The following SLC4A10 variants were observed in gnomAD, a reference collection of about 807,000 sequenced individuals.
SLC4A10 encodes sodium-driven chloride bicarbonate exchanger.
A neutral mutation model predicts 137.7 loss-of-function variants in SLC4A10; 42 were observed. The ratio of observed to expected loss-of-function variants is 0.30; its 90% CI spans 0.24 to 0.39. The LOEUF is 0.39. Among genes scored for constraint, SLC4A10 ranks in the 10% least tolerant of loss-of-function variants. The pLI is 1.00. For synonymous variants in SLC4A10, 474 were observed against 464.1 expected (o/e 1.02, Z -0.27); for missense variants, 925 against 1,355.0 (o/e 0.68, Z 4.98).
intron 1 of SLC4A10, among the ~76,000 whole-genome samples, chr2:161,732,429 A>G (rs1257698487): frequency 6.6e-6 from 1 of 152,174 alleles, no homozygotes; most frequent in Non-Finnish European, 1.5e-5. Flanking sequence ...TATATATTTT[A>G]CCATGTCACA....
At chr2:161,868,757 A>T (rs930283559) in intron 6 of SLC4A10, among the ~76,000 whole-genome samples, 1 of 151,666 alleles carries the variant, frequency 6.6e-6, no homozygotes, top group Non-Finnish European at 1.5e-5. Context: ...AAATGTTTCC[A>T]TTTACGTTTA....
At chr2:161,748,220 C>T (rs1370551158) in intron 1 of SLC4A10, among the ~76,000 whole-genome samples, 1 of 151,996 alleles carries the variant, frequency 6.6e-6, no homozygotes, top group African/African-American at 2.4e-5. Flanking sequence ...CATCCTGTGG[C>T]CTGCCTTTTT....
intron 1 of SLC4A10, among the ~76,000 whole-genome samples, chr2:161,766,762 C>G (rs1204306339): frequency 6.6e-6 from 1 of 150,710 alleles, no homozygotes; most frequent in African/African-American, 2.4e-5. Context: ...TTTTATTGCT[C>G]TAACCAAGTC....
At chr2:161,704,281 TA>T (rs1177900167) in intron 1 of SLC4A10, among the ~76,000 whole-genome samples, 1 of 151,686 alleles carries the variant, frequency 6.6e-6, no homozygotes, top group East Asian at 1.9e-4. Flanking sequence ...CCAGTATAAA[TA>T]AAGTGTGAAA....
intron 2 of SLC4A10, among the ~76,000 whole-genome samples, chr2:161,790,618 A>G (rs951983354): frequency 2.0e-5 from 3 of 152,204 alleles, no homozygotes; most frequent in Non-Finnish European, 1.5e-5. Flanking sequence ...AGGTGGACTA[A>G]TACTGAACAT....
At chr2:161,784,946 T>C (rs1044311038) in intron 2 of SLC4A10, among the ~76,000 whole-genome samples, 2 of 150,128 alleles carry the variant, frequency 1.3e-5, no homozygotes, top group African/African-American at 4.9e-5. Flanking sequence ...TAGGAAAAAA[T>C]CAATGAAATT....
intron 1 of SLC4A10, among the ~76,000 whole-genome samples, chr2:161,684,990 C>T (rs893271183): frequency 3.3e-5 from 5 of 152,068 alleles, no homozygotes; most frequent in Admixed American, 6.6e-5. Flanking sequence ...GGAAGATAAG[C>T]AACAGGTTTG....
chr2:161,935,499 A>G (rs943961553), intron 15 of SLC4A10, among the ~76,000 whole-genome samples: 29 of 152,144 alleles, frequency 1.9e-4, no homozygotes, highest in African/African-American at 6.3e-4. Context: ...CAGTTCTTCC[A>G]ATCCATAAAC....
At chr2:161,731,857 A>T (rs1214103284) in intron 1 of SLC4A10, among the ~76,000 whole-genome samples, 1 of 152,202 alleles carries the variant, frequency 6.6e-6, no homozygotes, top group Non-Finnish European at 1.5e-5. Context: ...GTTTAAAATC[A>T]GAATTAGACA....
chr2:161,920,500 T>A (rs1184549846), intron 15 of SLC4A10, among the ~76,000 whole-genome samples: 2 of 152,190 alleles, frequency 1.3e-5, no homozygotes, highest in Non-Finnish European at 2.9e-5. Flanking sequence ...AAATAAAGGG[T>A]TGCAAAAGAG....
At chr2:161,747,471 G>A (rs2048506711) in intron 1 of SLC4A10, among the ~76,000 whole-genome samples, 1 of 152,132 alleles carries the variant, frequency 6.6e-6, no homozygotes, top group African/African-American at 2.4e-5. Context: ...TTCCTGTGCT[G>A]TTCATTGCCT....
At chr2:161,773,186 C>T (rs903597634) in intron 2 of SLC4A10, among the ~76,000 whole-genome samples, 1 of 151,862 alleles carries the variant, frequency 6.6e-6, no homozygotes. Flanking sequence ...TGTATCATTC[C>T]CATGGTGGAG....
At chr2:161,942,683 C>G (rs1420313326) in intron 15 of SLC4A10, 109 bp from the exon 16 acceptor site, 4 of 800,674 alleles carry the variant, frequency 5.0e-6, no homozygotes, top group Admixed American at 4.3e-5. Flanking sequence ...ACTTGTCTGT[C>G]AAATAGAGGA....
intron 1 of SLC4A10, among the ~76,000 whole-genome samples, chr2:161,685,388 T>C (rs928795171): frequency 1.3e-5 from 2 of 152,066 alleles, no homozygotes; most frequent in Admixed American, 6.6e-5. Context: ...GGTGGATTAT[T>C]AGAGGCCAGA....
At chr2:161,670,043 A>C (rs1413027651) in intron 1 of SLC4A10, among the ~76,000 whole-genome samples, 1 of 152,104 alleles carries the variant, frequency 6.6e-6, no homozygotes, top group Non-Finnish European at 1.5e-5. Flanking sequence ...TGTATCAATA[A>C]ATTTGTGTAA....
At chr2:161,844,193 G>T (rs908953637) in intron 4 of SLC4A10, among the ~76,000 whole-genome samples, 1 of 152,002 alleles carries the variant, frequency 6.6e-6, no homozygotes, top group Non-Finnish European at 1.5e-5. Flanking sequence ...GTAGCGTTAG[G>T]CTTCTGATAC....
chr2:161,921,740 T>G (rs1688172238), intron 15 of SLC4A10, among the ~76,000 whole-genome samples: 1 of 152,190 alleles, frequency 6.6e-6, no homozygotes, highest in Non-Finnish European at 1.5e-5. Flanking sequence ...CTTCTCAATA[T>G]CACATATACA....
chr2:161,798,875 C>T (rs1485338293), intron 2 of SLC4A10, among the ~76,000 whole-genome samples: 2 of 147,790 alleles, frequency 1.4e-5, no homozygotes, highest in African/African-American at 5.0e-5. Context: ...TTTTGGTTAA[C>T]TGTTTGAAGT....
chr2:161,928,893 CAT>C (rs1188299080), intron 15 of SLC4A10, among the ~76,000 whole-genome samples: 2 of 152,140 alleles, frequency 1.3e-5, no homozygotes, highest in Non-Finnish European at 2.9e-5. Flanking sequence ...TGTATATACA[CAT>C]ATACATTTGT....
Sources: gnomAD v4.1 joint callset for allele counts (sites outside exome capture counted in the v4.1 genomes callset) on GRCh38, gnomAD v4.1.1 for gene constraint, MANE v1.5 for transcripts, NCBI Gene and HGNC (gene_info 2026-07-23, HGNC 2026-07-21) for gene names.